The following PIP4K2A variants were observed in gnomAD, a reference collection of about 807,000 sequenced individuals.
The protein encoded by PIP4K2A is phosphatidylinositol 5-phosphate 4-kinase type-2 alpha.
PIP4K2A carries 14 observed loss-of-function variants against 42.9 expected under a neutral mutation model. The observed-to-expected ratio is 0.33, with a 90% confidence interval of 0.22 to 0.51. The LOEUF (loss-of-function observed/expected upper bound fraction) is 0.51. PIP4K2A is among the 20% of genes least tolerant of loss of function. The pLI is 0.97. For synonymous variants in PIP4K2A, 192 were observed against 192.2 expected, an observed-to-expected ratio of 1.00 and a Z score of 0.01; for missense variants, 434 against 519.8, an observed-to-expected ratio of 0.83 and a Z score of 1.61.
At chr10:22,690,341 GA>G (rs1460475992) in intron 1 of PIP4K2A, among the ~76,000 whole-genome samples, 5 of 152,134 alleles carry the variant, frequency 3.3e-5, no homozygotes, top group African/African-American at 9.7e-5. Flanking sequence ...TCCTAAATCT[GA>G]ACTCAGGCAC....
chr10:22,684,013 T>C (rs1206886848), intron 1 of PIP4K2A, among the ~76,000 whole-genome samples: 1 of 152,088 alleles, frequency 6.6e-6, no homozygotes, highest in Non-Finnish European at 1.5e-5. Flanking sequence ...ATGATTCCTA[T>C]CTGAAATACT....
chr10:22,536,363 C>CGT lies in PIP4K2A; in HGVS notation c.*837_*838insAC. The CGT allele has an allele frequency of 2.8e-6, 1 of 360,968 alleles. No homozygotes were observed. The highest frequency in any genetic ancestry group is 3.9e-5 in the East Asian group (1 of 25,590). 22.4% of individuals were successfully genotyped at this position (360,968 alleles called of 1,614,324 possible). On this transcript the variant is annotated 3_prime_UTR_variant, in exon 10 of 10. Coordinates refer to ENST00000376573, the MANE Select transcript of PIP4K2A (RefSeq NM_005028.5). Reference sequence around the variant, plus strand: ...AACGTAAGGGTGAACAATGAAGGCTCCAGGCAAGAAAAGAGAAGTAAGCAG... The same window carrying CGT: ...AACGTAAGGGTGAACAATGAAGGCTCGTCAGGCAAGAAAAGAGAAGTAAGCAG...
intron 1 of PIP4K2A, among the ~76,000 whole-genome samples, chr10:22,633,639 G>T (rs1219792699): frequency 6.6e-6 from 1 of 152,166 alleles, no homozygotes; most frequent in Non-Finnish European, 1.5e-5. Context: ...CCGAGACATG[G>T]CAGGCGCTGA....
At chr10:22,545,967 A>C (rs1446598767) in intron 7 of PIP4K2A, among the ~76,000 whole-genome samples, 6 of 152,186 alleles carry the variant, frequency 3.9e-5, no homozygotes, top group Non-Finnish European at 8.8e-5. Flanking sequence ...TGGCCTCCCA[A>C]ACTGCTGGGA....
intron 1 of PIP4K2A, among the ~76,000 whole-genome samples, chr10:22,623,068 A>T (rs1838364752): frequency 6.6e-6 from 1 of 152,220 alleles, no homozygotes; most frequent in South Asian, 2.1e-4. Flanking sequence ...GCAAATAATT[A>T]TGTATAGCTG....
rs1206033718 is a variant in PIP4K2A at position 22,653,836 on chromosome 10, T to G, written c.145-44119A>C. Among the ~76,000 whole-genome samples, 3 of 152,164 alleles carry G rather than the reference T, an allele frequency of 2.0e-5. No individual in the cohort carries two copies. In the East Asian group the frequency reaches 5.8e-4, roughly 29 times the overall value. On this transcript the variant is annotated intron_variant, in intron 1 of 9. Transcript: ENST00000376573. Reference sequence around the variant, plus strand: ...TTGCAGTGAGCCAAGATTGCGCCACTGCACTCCAGCCTGGGCAACAGAGTG... The same window carrying G: ...TTGCAGTGAGCCAAGATTGCGCCACGGCACTCCAGCCTGGGCAACAGAGTG...
chr10:22,584,076 A>C lies in PIP4K2A; in HGVS notation c.492+7553T>G, dbSNP rs542736658. Among the ~76,000 whole-genome samples, 10 of 152,346 alleles carry C rather than the reference A, an allele frequency of 6.6e-5. No homozygotes were observed. In the East Asian group the frequency reaches 1.7e-3, roughly 26 times the overall value. ...CATCTTGACCCCAAACTGTGTCATC[A>C]TCTGGTTGGGCAAGTCACTGTGTGT... On this transcript the variant is annotated intron_variant, in intron 4 of 9. Transcript: ENST00000376573.
At chr10:22,620,560 A>G (rs1002952711) in intron 1 of PIP4K2A, among the ~76,000 whole-genome samples, 9 of 152,234 alleles carry the variant, frequency 5.9e-5, no homozygotes, top group African/African-American at 2.2e-4. Context: ...CCAGATAGTG[A>G]TTTAGAAAAT....
intron 1 of PIP4K2A, among the ~76,000 whole-genome samples, chr10:22,636,515 A>C (rs1350322123): frequency 1.3e-5 from 2 of 152,212 alleles, no homozygotes; most frequent in Non-Finnish European, 2.9e-5. Flanking sequence ...CTCCTGCCTC[A>C]GCCTCCCCAA....
At chr10:22,615,318 G>A (rs1046922380) in intron 1 of PIP4K2A, among the ~76,000 whole-genome samples, 2 of 152,030 alleles carry the variant, frequency 1.3e-5, no homozygotes, top group Non-Finnish European at 2.9e-5. Context: ...ATGTTGCCTG[G>A]GCTCAACAGA....
At chr10:22,675,446 C>T (rs186418214) in intron 1 of PIP4K2A, among the ~76,000 whole-genome samples, 17 of 152,124 alleles carry the variant, frequency 1.1e-4, no homozygotes, top group Admixed American at 9.8e-4. Flanking sequence ...ATTAGCCGAA[C>T]ATGGTGTCGT....
chr10:22,669,470 AAAAC>A (rs758324979), intron 1 of PIP4K2A, among the ~76,000 whole-genome samples: 50 of 152,218 alleles, frequency 3.3e-4, no homozygotes, highest in Admixed American at 1.9e-3. Flanking sequence ...GAAAAAAACA[AAAAC>A]AAACAAACAA....
chr10:22,679,605 A>C (rs1013778726), intron 1 of PIP4K2A, among the ~76,000 whole-genome samples: 1 of 152,252 alleles, frequency 6.6e-6, no homozygotes, highest in African/African-American at 2.4e-5. Context: ...ACTTCTACAC[A>C]AATGTTCATA....
chr10:22,555,991 A>G (rs1836533252), intron 6 of PIP4K2A, among the ~76,000 whole-genome samples: 1 of 152,008 alleles, frequency 6.6e-6, no homozygotes, highest in Non-Finnish European at 1.5e-5. Flanking sequence ...CCTGGGCCCC[A>G]TGCAGCCCGT....
chr10:22,593,044 T>C (rs1430321188), intron 3 of PIP4K2A, among the ~76,000 whole-genome samples: 1 of 152,188 alleles, frequency 6.6e-6, no homozygotes. Context: ...TCCAGTCTCT[T>C]TATCCTTTCC....
At chr10:22,697,165 T>A (rs1839988808) in intron 1 of PIP4K2A, among the ~76,000 whole-genome samples, 1 of 151,886 alleles carries the variant, frequency 6.6e-6, no homozygotes, top group Non-Finnish European at 1.5e-5. Flanking sequence ...CTACTTTGTA[T>A]GTTAAGTAAA....
At chr10:22,650,390 G>T (rs1171498704) in intron 1 of PIP4K2A, among the ~76,000 whole-genome samples, 1 of 152,046 alleles carries the variant, frequency 6.6e-6, no homozygotes, top group Non-Finnish European at 1.5e-5. Flanking sequence ...GGAGTAGCTG[G>T]GACTACAGGG....
intron 6 of PIP4K2A, among the ~76,000 whole-genome samples, chr10:22,559,992 C>G (rs1322647306): frequency 6.6e-6 from 1 of 152,180 alleles, no homozygotes; most frequent in African/African-American, 2.4e-5. Flanking sequence ...TATAAAATGT[C>G]TCTGGTCCAG....
At chr10:22,601,043 C>T (rs1464445278) in intron 3 of PIP4K2A, among the ~76,000 whole-genome samples, 2 of 144,848 alleles carry the variant, frequency 1.4e-5, no homozygotes, top group African/African-American at 5.1e-5. Flanking sequence ...CACAGAGTGC[C>T]ATGAGATCAT....
Sources: gnomAD v4.1 joint callset for allele counts (sites outside exome capture counted in the v4.1 genomes callset) on GRCh38, gnomAD v4.1.1 for gene constraint, MANE v1.5 for transcripts, NCBI Gene and HGNC (gene_info 2026-07-23, HGNC 2026-07-21) for gene names.